The following REDIC1 variants were observed in gnomAD, a reference collection of about 807,000 sequenced individuals.
REDIC1 encodes the protein regulator of DNA class I crossover intermediates 1, also known as HEI10 Interacting Protein 1.
chr12:39,714,119 A>G, the REDIC1 span, among the ~76,000 whole-genome samples: 5 of 150,732 alleles, frequency 3.3e-5, no homozygotes, highest in Non-Finnish European at 7.4e-5. Flanking sequence ...GTATACGTGT[A>G]TATGTATATA....
chr12:39,849,664 G>A, the REDIC1 span, among the ~76,000 whole-genome samples: 5 of 152,148 alleles, frequency 3.3e-5, no homozygotes, highest in Admixed American at 3.3e-4. Context: ...CTCTCTGACA[G>A]GATAATTACC....
At chr12:39,804,973 A>C in the REDIC1 span, among the ~76,000 whole-genome samples, 1 of 112,662 alleles carries the variant, frequency 8.9e-6, no homozygotes, top group African/African-American at 3.4e-5. Flanking sequence ...ACTTGCTTGG[A>C]AAGTGCCACA....
the REDIC1 span, among the ~76,000 whole-genome samples, chr12:39,806,453 A>G: frequency 6.6e-6 from 1 of 152,186 alleles, no homozygotes; most frequent in Non-Finnish European, 1.5e-5. Context: ...TACAGGATAT[A>G]TATTTTCCCT....
At chr12:39,659,286 T>C in the REDIC1 span, among the ~76,000 whole-genome samples, 1 of 152,166 alleles carries the variant, frequency 6.6e-6, no homozygotes, top group Non-Finnish European at 1.5e-5. Flanking sequence ...ATATTAATTT[T>C]CTTTCTATTT....
the REDIC1 span, among the ~76,000 whole-genome samples, chr12:39,656,819 A>G: frequency 3.9e-5 from 6 of 152,322 alleles, no homozygotes; most frequent in East Asian, 1.2e-3. Context: ...TAAGGAAAAC[A>G]TTTAAAAAAA....
the REDIC1 span, among the ~76,000 whole-genome samples, chr12:39,783,376 G>A: frequency 6.6e-6 from 1 of 152,164 alleles, no homozygotes; most frequent in Non-Finnish European, 1.5e-5. Context: ...AATTCTTTGG[G>A]TATATACCCA....
At chr12:39,711,618 T>C in the REDIC1 span, among the ~76,000 whole-genome samples, 1 of 77,608 alleles carries the variant, frequency 1.3e-5, no homozygotes, top group Non-Finnish European at 3.2e-5. Flanking sequence ...CATGTGTATG[T>C]GTATACACGT....
At chr12:39,711,912 TATAC>T in the REDIC1 span, among the ~76,000 whole-genome samples, 1 of 136,434 alleles carries the variant, frequency 7.3e-6, no homozygotes, top group Non-Finnish European at 1.6e-5. Flanking sequence ...TACACATGTA[TATAC>T]ACATACATGT....
chr12:39,696,521 C>T, the REDIC1 span, among the ~76,000 whole-genome samples: 14 of 99,538 alleles, frequency 1.4e-4, no homozygotes, highest in East Asian at 3.2e-4. Flanking sequence ...CCAGCCTGGG[C>T]GACAGAGCGA....
the REDIC1 span, among the ~76,000 whole-genome samples, chr12:39,839,067 C>T: frequency 6.6e-6 from 1 of 152,028 alleles, no homozygotes; most frequent in South Asian, 2.1e-4. Context: ...CTATTTTGTG[C>T]AATAATGTCA....
the REDIC1 span, among the ~76,000 whole-genome samples, chr12:39,683,899 AGAATCACT>A: frequency 6.6e-6 from 1 of 152,294 alleles, no homozygotes; most frequent in South Asian, 2.1e-4. Context: ...TGGTTGGTAT[AGAATCACT>A]ATAGGGAGTG....
chr12:39,686,489 C>T, the REDIC1 span, among the ~76,000 whole-genome samples: 2 of 152,164 alleles, frequency 1.3e-5, no homozygotes, highest in East Asian at 3.9e-4. Context: ...GACTGGGATA[C>T]AGGGAGCAGT....
chr12:39,796,861 T>A, the REDIC1 span, among the ~76,000 whole-genome samples: 1 of 152,346 alleles, frequency 6.6e-6, no homozygotes, highest in African/African-American at 2.4e-5. Flanking sequence ...TTATGCACCT[T>A]TGACTTCCTC....
At chr12:39,888,206 CTAAGT>C in the REDIC1 span, among the ~76,000 whole-genome samples, 1 of 152,100 alleles carries the variant, frequency 6.6e-6, no homozygotes, top group Non-Finnish European at 1.5e-5. Flanking sequence ...TATAACCATT[CTAAGT>C]TTTTATTTAT....
chr12:39,646,393 TAATTTAGAACTTAC>T, the REDIC1 span: 1 of 1,464,322 alleles, frequency 6.8e-7, no homozygotes, highest in African/African-American at 1.5e-5. Flanking sequence ...TAAGAAAGCA[TAATTTAGAACTTAC>T]AATGTCGCCT....
the REDIC1 span, among the ~76,000 whole-genome samples, chr12:39,878,955 G>A: frequency 6.6e-6 from 1 of 152,252 alleles, no homozygotes; most frequent in Non-Finnish European, 1.5e-5. Flanking sequence ...AGAGCCTACT[G>A]CCCTGTGCAG....
the REDIC1 span, chr12:39,643,992 A>G: frequency 8.4e-7 from 1 of 1,191,694 alleles, no homozygotes; most frequent in African/African-American, 1.6e-5. Flanking sequence ...ATTAGTTTGT[A>G]ATTTTTGAGC....
chr12:39,890,589 T>C, the REDIC1 span, among the ~76,000 whole-genome samples: 1 of 152,342 alleles, frequency 6.6e-6, no homozygotes, highest in Admixed American at 6.5e-5. Context: ...CATACTAGAC[T>C]GTAAGATAAT....
the REDIC1 span, among the ~76,000 whole-genome samples, chr12:39,660,069 G>A: frequency 1.3e-5 from 2 of 152,078 alleles, no homozygotes; most frequent in Non-Finnish European, 2.9e-5. Flanking sequence ...CCACTCTAGA[G>A]GGTGGAATCA....
Sources: gnomAD v4.1 joint callset for allele counts (sites outside exome capture counted in the v4.1 genomes callset) on GRCh38, gnomAD v4.1.1 for gene constraint, MANE v1.5 for transcripts, NCBI Gene and HGNC (gene_info 2026-07-23, HGNC 2026-07-21) for gene names.